The following MYO15A variants were observed in gnomAD, a reference collection of about 807,000 sequenced individuals.
MYO15A encodes the protein myosin XVA.
Under a neutral mutation model 394.6 loss-of-function variants are expected in MYO15A, and 308 were observed. The observed-to-expected ratio is 0.78, with a 90% confidence interval of 0.71 to 0.86. The LOEUF is 0.86. Ranked by LOEUF, MYO15A falls within the 40% of genes least tolerant of loss-of-function variation. The pLI, the probability that MYO15A is intolerant of heterozygous loss-of-function variation, is 0.00. For missense variants in MYO15A, 4,606 were observed against 4,799.1 expected (o/e 0.96, Z 1.19); for synonymous variants, 1,957 against 2,003.8 (o/e 0.98, Z 0.62).
In MYO15A at chr17:18,149,599, G is replaced by A. The variant is rs1455421802; in HGVS notation, c.7212+19G>A. The stretch of plus-strand genomic sequence containing the variant: ...GGATGCGGTAGGGATGGTGTGGGGT[G>A]GGTCATTTGCAGACAGCAGGCACAG... On this transcript the variant is annotated intron_variant, in intron 35 of 65. Transcript: ENST00000647165. 1 of 1,612,072 alleles carries A rather than the reference G, an allele frequency of 6.2e-7. No individual in the cohort carries two copies. The highest frequency in any genetic ancestry group is 8.5e-7 in the Non-Finnish European group (1 of 1,178,298).
chr17:18,159,105 C>A, intron 53 of MYO15A, 108 bp downstream of exon 53: 1 of 1,409,268 alleles, frequency 7.1e-7, no homozygotes, highest in Non-Finnish European at 9.9e-7. Flanking sequence ...CCCTCTGATT[C>A]TCAGCACCCT....
chr17:18,139,141 C>T (rs967856180), intron 18 of MYO15A: 3 of 719,880 alleles, frequency 4.2e-6, no homozygotes, highest in Admixed American at 4.3e-5. Context: ...TAATAGTGCC[C>T]AACTCATGGG....
intron 55 of MYO15A, 74 bp from the exon 56 acceptor site, chr17:18,159,861 C>T: frequency 1.3e-6 from 2 of 1,540,858 alleles, no homozygotes; most frequent in Non-Finnish European, 8.9e-7. Flanking sequence ...GGTGCCCACC[C>T]TGTTCTTATG....
chr17:18,116,545 G>A (rs1295522292), intron 1 of MYO15A, among the ~76,000 whole-genome samples: 3 of 152,124 alleles, frequency 2.0e-5, no homozygotes, highest in Non-Finnish European at 4.4e-5. Context: ...TGAGACCACT[G>A]TGCAACACAC....
At chr17:18,163,657 A>G (rs751457020) in intron 59 of MYO15A, 85 bp from the exon 60 acceptor site, 28 of 1,254,592 alleles carry the variant, frequency 2.2e-5, no homozygotes, top group Non-Finnish European at 2.6e-5. Flanking sequence ...AACTCCACAC[A>G]TGGCCTCTGG....
chr17:18,122,119 C>G lies in MYO15A; in HGVS notation c.3319C>G (p.Arg1107Gly). 2 of 1,612,906 alleles carry G rather than the reference C, an allele frequency of 1.2e-6. No homozygotes were observed. The highest frequency in any genetic ancestry group is 2.2e-5 in the East Asian group (1 of 44,878). Residue 1107 changes from arginine (R) to glycine (G), a missense_variant, in exon 2 of 66, where the codon CGC (arginine) becomes GGC (glycine). Around this residue, in one of 2 missense-constraint regions of MYO15A, gnomAD observed 1,830 missense variants for 1,689.7 expected, o/e 1.08. Coordinates refer to ENST00000647165, the MANE Select transcript of MYO15A (RefSeq NM_016239.4). ...GCCCCTGCCCAAGGGGGGTGAACGG[C>G]GCCAGGCAGCCCCTGGGCGTTTTGC... is the stretch of plus-strand genomic sequence containing the variant. ...PEPLPKGGER[R>G]QAAPGRFAVV...
At position 18,145,938 on chromosome 17, in the gene MYO15A, G is replaced by A. The variant is rs377385081; in HGVS notation, c.6340G>A (p.Val2114Met). 3.1e-6 allele frequency: 5 copies of A among 1,613,730 alleles called. No individual in the cohort carries two copies. Among genetic ancestry groups the A allele is most frequent in the Non-Finnish European group, 3.4e-6 (4 of 1,180,020 alleles). The part of the protein sequence containing the change: ...ARENIFGNYI[V>M]QKGLAVPELR... Reference sequence around the variant, plus strand: ...GGAGAACATCTTCGGGAACTACATCGTGCAGAAGGGGCTGGCGGTGCCTGA... The same window carrying A: ...GGAGAACATCTTCGGGAACTACATCATGCAGAAGGGGCTGGCGGTGCCTGA... Residue 2114 changes from valine to methionine, a missense_variant, in exon 30 of 66, where the codon GTG (valine) becomes ATG (methionine). This residue lies in a region of MYO15A where 2,776 missense variants were observed against 3,109.3 expected (regional missense o/e 0.89). Coordinates refer to ENST00000647165, the MANE Select transcript of MYO15A (RefSeq NM_016239.4).
chr17:18,178,916 G>A lies in MYO15A; in HGVS notation c.*46G>A, dbSNP rs1460790477. Reference sequence around the variant, plus strand: ...TACCTTCTGCCAGAAGACTCACTGTGTGGCCTCAGAGAAATCACTGAACCT... The same window carrying A: ...TACCTTCTGCCAGAAGACTCACTGTATGGCCTCAGAGAAATCACTGAACCT... On this transcript the variant is annotated 3_prime_UTR_variant, in exon 66 of 66. Coordinates refer to ENST00000647165, the MANE Select transcript of MYO15A (RefSeq NM_016239.4). 5 of 1,579,128 alleles carry A rather than the reference G, an allele frequency of 3.2e-6. No homozygotes were observed. Among genetic ancestry groups the A allele is most frequent in the Non-Finnish European group, 4.3e-6 (5 of 1,155,684 alleles).
In MYO15A at chr17:18,121,310, G is replaced by T; in HGVS notation, c.2510G>T (p.Gly837Val). The change falls in exon 2 of 66, where the codon GGC (glycine) becomes GTC (valine). Residue 837 changes from glycine to valine, a missense_variant. Physicochemically the swap from Gly to Val is moderately radical, Grantham distance 109. Transcript: ENST00000647165. The surrounding 1 kb of genome is among the most constrained non-coding windows in gnomAD (Gnocchi z 5.3). ...GCCGCTGGGCGCCTGGGCCCACCCG[G>T]CTCGCCGCTGCCGGGCTCACCCAGG... Reference protein sequence around the residue: ...RRAAGRLGPPGSPLPGSPRPP... With the variant: ...RRAAGRLGPPVSPLPGSPRPP... The T allele has an allele frequency of 7.5e-7, 1 of 1,327,688 alleles. No individual in the cohort carries two copies. Among genetic ancestry groups the T allele is most frequent in the South Asian group, 1.8e-5 (1 of 55,402 alleles). 82.2% of individuals were successfully genotyped at this position (1,327,688 alleles called of 1,614,324 possible).
chr17:18,158,667 C>T, intron 52 of MYO15A, 29 bp downstream of exon 52: 4 of 1,605,112 alleles, frequency 2.5e-6, no homozygotes, highest in Non-Finnish European at 3.4e-6. Context: ...CCTCTTCCCA[C>T]AGTGGGAGGG....
intron 16 of MYO15A, 161 bp from the exon 17 acceptor site, chr17:18,137,954 G>C: frequency 1.9e-6 from 2 of 1,046,148 alleles, no homozygotes; most frequent in Admixed American, 2.2e-5. Context: ...AGGACCCTGA[G>C]TTGGCTCATG....
In MYO15A at chr17:18,141,613, A is replaced by G. The variant is rs1393072598; in HGVS notation, c.5532-40A>G. The G allele has an allele frequency of 3.8e-6, 6 of 1,583,284 alleles. No homozygotes were observed. In the East Asian group the frequency reaches 1.3e-4, roughly 35 times the overall value. ...CCATGGTCTAGCAGACACCTCGGGTAGGTCTCATAGCCCCAGACTAACTTT... is the reference window on the plus strand; with the variant it reads ...CCATGGTCTAGCAGACACCTCGGGTGGGTCTCATAGCCCCAGACTAACTTT... On this transcript the variant is annotated intron_variant, in intron 22 of 65. Transcript: ENST00000647165.
chr17:18,164,045 C>T (rs2046813952), intron 60 of MYO15A: 1 of 615,608 alleles, frequency 1.6e-6, no homozygotes, highest in South Asian at 1.8e-5. Context: ...GTTTGCCTCA[C>T]CTTATGATGA....
Position 18,119,627 on chromosome 17 carries a change from A to T in MYO15A, c.827A>T (p.Asp276Val), listed in dbSNP as rs1367062513. 6.2e-7 allele frequency: 1 copy of T among 1,603,018 alleles called. No individual in the cohort carries two copies. The highest frequency in any genetic ancestry group is 8.5e-7 in the Non-Finnish European group (1 of 1,179,860). The change falls in exon 2 of 66, where the codon GAC becomes GTC. Residue 276 changes from aspartate to valine, a missense_variant. Coordinates refer to ENST00000647165, the MANE Select transcript of MYO15A (RefSeq NM_016239.4). ...AGCCCGGCCTGGCCACCCTACGGCG[A>T]CCACTACTACGGGTACCCGCCCGAG... Reference protein sequence around the residue: ...PYSPAWPPYGDHYYGYPPEDP... With the variant: ...PYSPAWPPYGVHYYGYPPEDP...
intron 64 of MYO15A, chr17:18,172,609 T>C (rs1161890974): frequency 2.5e-6 from 1 of 406,090 alleles, no homozygotes; most frequent in East Asian, 5.7e-5. Context: ...AACAGAAGTT[T>C]ATTTCTCACA....
In MYO15A at chr17:18,120,512, C is replaced by G; in HGVS notation, c.1712C>G (p.Ser571Trp). Reference sequence around the variant, plus strand: ...CGCCCCGTGCCTCGCCCTGCCACCTCGCTTGCGCGGTTCCTCAAGAAGACG... The same window carrying G: ...CGCCCCGTGCCTCGCCCTGCCACCTGGCTTGCGCGGTTCCTCAAGAAGACG... ...FGRPVPRPAT[S>W]LARFLKKTLS... Residue 571 changes from serine (S) to tryptophan (W), a missense_variant, in exon 2 of 66, where the codon TCG (serine) becomes TGG (tryptophan). By Grantham distance (177) the Ser-to-Trp change is radical (BLOSUM62 -3). Transcript: ENST00000647165. 1 of 1,581,694 alleles carries G rather than the reference C, an allele frequency of 6.3e-7. No homozygotes were observed. Among genetic ancestry groups the G allele is most frequent in the Non-Finnish European group, 8.6e-7 (1 of 1,167,162 alleles).
chr17:18,160,742 C>G (rs144220220), intron 56 of MYO15A: 241 of 206,760 alleles, frequency 1.2e-3, no homozygotes, highest in African/African-American at 5.1e-3. Flanking sequence ...CACCAGATAT[C>G]CCTACAAATG....
chr17:18,120,780 C>T lies in MYO15A; in HGVS notation c.1980C>T (p.Leu660=). 1 of 1,386,080 alleles carries T rather than the reference C, an allele frequency of 7.2e-7. No homozygotes were observed. The highest frequency in any genetic ancestry group is 1.5e-5 in the South Asian group (1 of 65,678). The allele number at this position is 1,386,080 out of a possible 1,614,324, so 85.9% of individuals were successfully genotyped here. A position where few individuals can be genotyped will look rare whatever the true frequency, so the allele number is the denominator to read the frequency against. ...APRTLSHWSA[L]LSPPVPPRPP... ...GGACCCTCTCCCACTGGAGCGCGCT[C>T]CTGTCTCCGCCCGTGCCCCCGCGGC... The change falls in exon 2 of 66, where the codon CTC becomes CTT. Residue 660 remains leucine, a synonymous_variant. Coordinates refer to ENST00000647165, the MANE Select transcript of MYO15A (RefSeq NM_016239.4).
At chr17:18,169,148 TAA>T (rs1567665091) in intron 62 of MYO15A, among the ~76,000 whole-genome samples, 1 of 137,862 alleles carries the variant, frequency 7.3e-6, no homozygotes, top group African/African-American at 2.7e-5. Flanking sequence ...ATAATAATAA[TAA>T]TAATAATAAA....
Sources: gnomAD v4.1 joint callset for allele counts (sites outside exome capture counted in the v4.1 genomes callset) on GRCh38, gnomAD v4.1.1 for gene constraint, gnomAD v4.1.1 regional missense constraint, Gnocchi (gnomAD v3.1) non-coding constraint, MANE v1.5 for transcripts, NCBI Gene and HGNC (gene_info 2026-07-23, HGNC 2026-07-21) for gene names.